The following PTK2 variants were observed in gnomAD, a reference collection of about 807,000 sequenced individuals.
The protein encoded by PTK2 is protein tyrosine kinase 2.
In PTK2, 45 loss-of-function variants were observed where a neutral mutation model predicts 150.1. The ratio of observed to expected loss-of-function variants is 0.30; its 90% CI spans 0.24 to 0.38. PTK2 has a LOEUF of 0.38. Ranked by LOEUF, PTK2 falls within the 10% of genes least tolerant of loss-of-function variation. The probability of loss-of-function intolerance (pLI) is 1.00; values close to 1 mark genes in which losing one functional copy is unlikely to be tolerated. For missense variants in PTK2, 919 were observed against 1,307.3 expected (o/e 0.70, Z 4.58); for synonymous variants, 432 against 449.2 (o/e 0.96, Z 0.48).
chr8:140,933,121 GA>G (rs1354186761), intron 1 of PTK2, among the ~76,000 whole-genome samples: 4 of 151,610 alleles, frequency 2.6e-5, no homozygotes, highest in African/African-American at 7.3e-5. Context: ...AAAGTGCTGG[GA>G]TTATAGGTGT....
chr8:140,758,501 C>T (rs2100067216), intron 16 of PTK2, among the ~76,000 whole-genome samples: 1 of 152,212 alleles, frequency 6.6e-6, no homozygotes, highest in South Asian at 2.1e-4. Flanking sequence ...TAGGAGATGA[C>T]ATCTCCATGC....
At chr8:140,663,321 T>C (rs1049666950) in intron 31 of PTK2, among the ~76,000 whole-genome samples, 4 of 152,148 alleles carry the variant, frequency 2.6e-5, no homozygotes, top group African/African-American at 7.2e-5. Flanking sequence ...TTCTCTCTAT[T>C]AATCTTTTAA....
At chr8:140,935,960 T>C (rs1330260274) in intron 1 of PTK2, among the ~76,000 whole-genome samples, 1 of 152,096 alleles carries the variant, frequency 6.6e-6, no homozygotes, top group African/African-American at 2.4e-5. Context: ...CCTCATCTTT[T>C]AAGAGTAGAT....
intron 27 of PTK2, among the ~76,000 whole-genome samples, chr8:140,683,470 G>A (rs915482032): frequency 2.0e-5 from 3 of 152,168 alleles, no homozygotes; most frequent in African/African-American, 7.2e-5. Context: ...CCAAAAAATT[G>A]AGGAGGAGGT....
intron 17 of PTK2, 111 bp from the exon 21 acceptor site, chr8:140,746,971 A>G (rs1593440258): frequency 3.0e-6 from 2 of 670,042 alleles, no homozygotes; most frequent in Non-Finnish European, 4.9e-6. Flanking sequence ...ACTCATTGCA[A>G]CCTCCACCTC....
intron 10 of PTK2, among the ~76,000 whole-genome samples, chr8:140,804,228 C>CTT (rs11449247): frequency 6.0e-4 from 88 of 147,204 alleles, no homozygotes; most frequent in Middle Eastern, 3.5e-3. Context: ...TTGGCTTCTT[C>CTT]TTTTTTTTTT....
At chr8:140,816,799 A>G (rs566798974) in intron 10 of PTK2, among the ~76,000 whole-genome samples, 1 of 152,334 alleles carries the variant, frequency 6.6e-6, no homozygotes, top group Non-Finnish European at 1.5e-5. Context: ...AGAGCTATTA[A>G]AACTGCCATC....
At chr8:140,938,917 A>T (rs945517266) in intron 1 of PTK2, among the ~76,000 whole-genome samples, 2 of 152,138 alleles carry the variant, frequency 1.3e-5, no homozygotes, top group Non-Finnish European at 2.9e-5. Flanking sequence ...CTAAGGCAGG[A>T]GGATCGCTTG....
intron 1 of PTK2, among the ~76,000 whole-genome samples, chr8:140,988,921 G>A (rs1360446983): frequency 1.3e-5 from 2 of 151,702 alleles, no homozygotes; most frequent in African/African-American, 4.8e-5. Flanking sequence ...TATTCCAAGT[G>A]AATTATACAG....
intron 1 of PTK2, among the ~76,000 whole-genome samples, chr8:140,947,236 T>G (rs1420991163): frequency 6.6e-6 from 1 of 152,166 alleles, no homozygotes; most frequent in African/African-American, 2.4e-5. Flanking sequence ...TTTCCACTCC[T>G]TCTTAGGAGA....
intron 7 of PTK2, among the ~76,000 whole-genome samples, chr8:140,834,864 T>C (rs949722284): frequency 6.6e-6 from 1 of 152,232 alleles, no homozygotes; most frequent in Admixed American, 6.5e-5. Flanking sequence ...TCTTTCTCTT[T>C]TGCTAAACCT....
intron 1 of PTK2, among the ~76,000 whole-genome samples, chr8:140,949,487 C>T (rs752093071): frequency 3.3e-5 from 5 of 152,228 alleles, no homozygotes; most frequent in Non-Finnish European, 5.9e-5. Flanking sequence ...GGGAAGCCCC[C>T]CCGCCCTCAC....
intron 1 of PTK2, among the ~76,000 whole-genome samples, chr8:140,989,822 C>T (rs1249992613): frequency 4.0e-5 from 6 of 151,192 alleles, no homozygotes; most frequent in Admixed American, 1.3e-4. Flanking sequence ...GCAGGAGAAT[C>T]GCTTGAACCC....
intron 8 of PTK2, among the ~76,000 whole-genome samples, chr8:140,823,901 G>T (rs7001591): frequency 6.6e-6 from 1 of 151,948 alleles, no homozygotes; most frequent in Non-Finnish European, 1.5e-5. Context: ...CTTTACGCCC[G>T]TAACATTCTT....
chr8:140,850,693 G>A (rs1009680650), intron 5 of PTK2, among the ~76,000 whole-genome samples: 1 of 152,074 alleles, frequency 6.6e-6, no homozygotes, highest in African/African-American at 2.4e-5. Flanking sequence ...TCGTGTCACT[G>A]CACTCCAGCC....
intron 13 of PTK2, among the ~76,000 whole-genome samples, chr8:140,791,874 C>A (rs960063340): frequency 1.6e-4 from 24 of 152,208 alleles, no homozygotes; most frequent in African/African-American, 4.8e-4. Context: ...TGAGGAGTGA[C>A]AAAAACCAAG....
chr8:140,980,684 G>A (rs1335419006), intron 1 of PTK2, among the ~76,000 whole-genome samples: 1 of 150,956 alleles, frequency 6.6e-6, no homozygotes, highest in Non-Finnish European at 1.5e-5. Context: ...GCAAAAACAG[G>A]TACTTGTCCT....
intron 2 of PTK2, among the ~76,000 whole-genome samples, chr8:140,900,268 G>T (rs1279845276): frequency 2.6e-5 from 4 of 152,142 alleles, no homozygotes; most frequent in African/African-American, 7.2e-5. Flanking sequence ...CATATGAAAA[G>T]AAGTAGCATT....
At chr8:140,690,447 C>A (rs373589458) in intron 26 of PTK2, among the ~76,000 whole-genome samples, 4 of 152,266 alleles carry the variant, frequency 2.6e-5, no homozygotes, top group African/African-American at 7.2e-5. Context: ...TCTAAGAAAA[C>A]AAAAGACCCA....
Sources: allele counts gnomAD v4.1 joint callset (sites outside exome capture counted in the v4.1 genomes callset), GRCh38; gene constraint gnomAD v4.1.1; transcripts MANE v1.5; gene names NCBI Gene and HGNC (gene_info 2026-07-23, HGNC 2026-07-21).